The following COL4A4 variants were observed in gnomAD, a reference collection of about 807,000 sequenced individuals.
The protein encoded by COL4A4 is collagen alpha-4(IV) chain.
COL4A4 carries 105 observed loss-of-function variants against 192.9 expected under a neutral mutation model. That is an observed-to-expected ratio of 0.54 (90% CI 0.46 to 0.64). The LOEUF (loss-of-function observed/expected upper bound fraction) is 0.64, where lower values mean the gene tolerates loss of function less well. Among genes scored for constraint, COL4A4 ranks in the 30% least tolerant of loss-of-function variants. The pLI is 0.00. For missense variants in COL4A4, 1,967 were observed against 2,169.3 expected (o/e 0.91, Z 1.85); for synonymous variants, 762 against 769.9 (o/e 0.99, Z 0.17).
intron 12 of COL4A4, among the ~76,000 whole-genome samples, chr2:227,107,761 T>TC (rs1244203676): frequency 6.7e-6 from 1 of 148,562 alleles, no homozygotes; most frequent in Non-Finnish European, 1.5e-5. Context: ...CTTTTCTTTT[T>TC]TTTTTTTTTT....
intron 44 of COL4A4, among the ~76,000 whole-genome samples, chr2:227,020,880 C>CTTTTTTTTTTTTTTTTTTTTTTTTTTT (rs57119611): frequency 7.8e-6 from 1 of 127,598 alleles, no homozygotes; most frequent in Non-Finnish European, 1.6e-5. Context: ...ACACTTTTTT[C>CTTTTTTTTTTTTTTTTTTTTTTTTTTT]TTTTTTTTTT....
intron 24 of COL4A4, among the ~76,000 whole-genome samples, chr2:227,079,003 T>C (rs2059183951): frequency 6.6e-6 from 1 of 152,220 alleles, no homozygotes; most frequent in Non-Finnish European, 1.5e-5. Flanking sequence ...TGGCAATCCC[T>C]GGTGGGGTTC....
intron 12 of COL4A4, among the ~76,000 whole-genome samples, chr2:227,105,018 TAAAC>T (rs2060754215): frequency 6.6e-6 from 1 of 152,034 alleles, no homozygotes. Context: ...TATAGGTGAA[TAAAC>T]AATTTGTTTT....
At chr2:227,115,269 CTTT>C (rs1187419564) in intron 7 of COL4A4, among the ~76,000 whole-genome samples, 6 of 123,948 alleles carry the variant, frequency 4.8e-5, no homozygotes, top group Non-Finnish European at 3.3e-5. Flanking sequence ...TACTTTAATT[CTTT>C]TTTTTTTTTT....
At chr2:227,100,645 T>C (rs1200907041) in intron 17 of COL4A4, among the ~76,000 whole-genome samples, 1 of 152,134 alleles carries the variant, frequency 6.6e-6, no homozygotes, top group Non-Finnish European at 1.5e-5. Flanking sequence ...CTAGGGGTTC[T>C]GAAACTAATC....
the COL4A4 span, among the ~76,000 whole-genome samples, chr2:226,989,833 G>A: frequency 6.6e-6 from 1 of 152,182 alleles, no homozygotes; most frequent in Admixed American, 6.5e-5. Context: ...TAGGGGCTGA[G>A]TTGATCTCTA....
the COL4A4 span, among the ~76,000 whole-genome samples, chr2:226,973,990 A>G: frequency 6.6e-6 from 1 of 152,162 alleles, no homozygotes; most frequent in Non-Finnish European, 1.5e-5. Context: ...TTTTGTGGGT[A>G]AGAGGCCCAG....
Position 227,030,507 on chromosome 2 carries a change from A to T in COL4A4, c.3909T>A (p.Pro1303=). 1.2e-6 allele frequency: 2 copies of T among 1,614,186 alleles called. No individual in the cohort carries two copies. The highest frequency in any genetic ancestry group is 1.7e-6 in the Non-Finnish European group (2 of 1,180,016). ...DCGLPGPPGP[P]GPPGPPGYKG... The stretch of plus-strand genomic sequence containing the variant: ...TGTATCCTGGAGGGCCTGGTGGGCC[A>T]GGGGGACCTGGTGGCCCTGGTAGAC... Residue 1303 remains proline, a synonymous_variant, in exon 41 of 48, where the codon CCT becomes CCA. Transcript: ENST00000396625.
chr2:227,100,337 A>G (rs552843094), intron 17 of COL4A4, among the ~76,000 whole-genome samples: 2 of 147,786 alleles, frequency 1.4e-5, no homozygotes, highest in East Asian at 3.9e-4. Flanking sequence ...AGAACATAAT[A>G]ATGCTTAATA....
At chr2:227,043,212 G>A in intron 35 of COL4A4, 28 bp from the exon 36 acceptor site, 3 of 1,569,454 alleles carry the variant, frequency 1.9e-6, no homozygotes, top group Admixed American at 1.7e-5. Flanking sequence ...AAACATCAGA[G>A]TTGCCGTTTG....
At position 227,054,658 on chromosome 2, in the gene COL4A4, C is replaced by T. The variant is rs34591179; in HGVS notation, c.2796G>A (p.Lys932=). ...KPGAEGCPGA[K]GEPGEKGMSG... is the part of the protein sequence containing the mutation. Reference sequence around the variant, plus strand: ...ACATGCCCTTCTCTCCAGGTTCTCCCTTTGCGCCAGGACATCCCTCTGCAC... The same window carrying T: ...ACATGCCCTTCTCTCCAGGTTCTCCTTTTGCGCCAGGACATCCCTCTGCAC... The change falls in exon 31 of 48, where the codon AAG becomes AAA. Residue 932 remains lysine, a synonymous_variant. Transcript: ENST00000396625. The T allele has an allele frequency of 2.1e-3, 3,424 of 1,614,248 alleles. 71 individuals are homozygous for T. In the African/African-American group the frequency reaches 0.041, roughly 19 times the overall value.
chr2:226,969,839 G>T, the COL4A4 span, among the ~76,000 whole-genome samples: 2 of 152,030 alleles, frequency 1.3e-5, no homozygotes, highest in African/African-American at 4.8e-5. Flanking sequence ...ATTTTTCTTG[G>T]TTTGTTTTCT....
chr2:227,125,133 TAAG>T (rs1228230974), intron 4 of COL4A4, among the ~76,000 whole-genome samples: 2 of 152,186 alleles, frequency 1.3e-5, no homozygotes, highest in Non-Finnish European at 2.9e-5. Context: ...ACACAACAGT[TAAG>T]AATAATAAAA....
rs1326695275 is a variant in COL4A4, at chr2:227,103,863, C to G, written c.816+109G>C. On this transcript the variant is annotated intron_variant, in intron 13 of 47. Coordinates refer to ENST00000396625, the MANE Select transcript of COL4A4 (RefSeq NM_000092.5). ...CCAACTTATTAAAGTAGGTTTGAAA[C>G]TAGTGCAGTGATGCATAGAAAGACC... 3 of 800,484 alleles carry G rather than the reference C, an allele frequency of 3.7e-6. No individual in the cohort carries two copies. The African/African-American group carries it at 5.1e-5, about 14-fold the overall frequency. The allele number at this position is 800,484 out of a possible 1,614,324, so 49.6% of individuals were successfully genotyped here.
chr2:227,044,159 T>C (rs1277607125), intron 35 of COL4A4, among the ~76,000 whole-genome samples: 1 of 152,226 alleles, frequency 6.6e-6, no homozygotes, highest in African/African-American at 2.4e-5. Context: ...CACCACCATA[T>C]GGAACCCACC....
chr2:227,145,822 C>G (rs751842142), intron 2 of COL4A4, among the ~76,000 whole-genome samples: 1 of 152,192 alleles, frequency 6.6e-6, no homozygotes, highest in Non-Finnish European at 1.5e-5. Flanking sequence ...GGCTCCCACA[C>G]TAAATTTCCT....
intron 9 of COL4A4, chr2:227,109,505 T>C (rs1348730160): frequency 1.0e-5 from 7 of 686,466 alleles, no homozygotes; most frequent in Non-Finnish European, 1.9e-5. Flanking sequence ...TCCCAGCACT[T>C]TGAAAGGCCA....
chr2:227,160,765 C>T (rs1156997867), intron 1 of COL4A4, among the ~76,000 whole-genome samples: 4 of 152,120 alleles, frequency 2.6e-5, no homozygotes, highest in Admixed American at 2.6e-4. Context: ...AGAAAACTAG[C>T]TAGATAGCTA....
chr2:227,033,474 G>A lies in COL4A4; in HGVS notation c.3513C>T (p.Ser1171=), dbSNP rs762812157. 13 of 1,612,870 alleles carry A rather than the reference G, an allele frequency of 8.1e-6. No individual in the cohort carries two copies. The South Asian group carries it at 1.1e-4, about 14-fold the overall frequency. Residue 1171 remains serine (S), a synonymous_variant, in exon 38 of 48, where the codon TCC becomes TCT. Transcript: ENST00000396625. ...GCAAGCCGTTCAGGCCAGGTGATCC[G>A]GAGGGACCTGAAAAACACCACAGGC... The part of the protein sequence containing the change: ...IPGPPGIKGP[S]GSPGLNGLHG...
Sources: gnomAD v4.1 joint callset for allele counts (sites outside exome capture counted in the v4.1 genomes callset) on GRCh38, gnomAD v4.1.1 for gene constraint, MANE v1.5 for transcripts, NCBI Gene and HGNC (gene_info 2026-07-23, HGNC 2026-07-21) for gene names.